TTC27: variants seen among roughly 807,000 people sequenced by gnomAD.
TTC27 encodes the protein tetratricopeptide repeat domain 27, also known as tetratricopeptide repeat protein 27.
Under a neutral mutation model 115.9 loss-of-function variants are expected in TTC27, and 79 were observed. That is an observed-to-expected ratio of 0.68 (90% CI 0.57 to 0.82). The LOEUF (loss-of-function observed/expected upper bound fraction) is 0.82, where lower values mean the gene tolerates loss of function less well. TTC27 is among the 40% of genes least tolerant of loss of function. The pLI, the probability that TTC27 is intolerant of heterozygous loss-of-function variation, is 0.00. For synonymous variants in TTC27, 401 were observed against 356.0 expected (o/e 1.13, Z -1.42); for missense variants, 1,054 against 993.1 (o/e 1.06, Z -0.82).
At chr2:32,778,455 A>C (rs1343094700) in intron 14 of TTC27, among the ~76,000 whole-genome samples, 2 of 152,160 alleles carry the variant, frequency 1.3e-5, no homozygotes, top group African/African-American at 4.8e-5. Flanking sequence ...TATTACCCTA[A>C]AGAGAAACCC....
At chr2:32,809,505 G>T (rs924868205) in intron 16 of TTC27, among the ~76,000 whole-genome samples, 19 of 152,146 alleles carry the variant, frequency 1.2e-4, no homozygotes, top group Non-Finnish European at 2.4e-4. Flanking sequence ...GCAGAATCTT[G>T]GTCCAAGATG....
At chr2:32,780,743 A>G (rs1007425894) in intron 14 of TTC27, among the ~76,000 whole-genome samples, 1 of 152,150 alleles carries the variant, frequency 6.6e-6, no homozygotes, top group African/African-American at 2.4e-5. Flanking sequence ...CCAGGTCTAA[A>G]TTTTATTTTT....
chr2:32,683,948 G>A (rs1335602602), intron 9 of TTC27, among the ~76,000 whole-genome samples: 1 of 152,062 alleles, frequency 6.6e-6, no homozygotes, highest in African/African-American at 2.4e-5. Context: ...AAGGTCAGTA[G>A]TTTGTGACCC....
chr2:32,676,021 A>T (rs879777068), intron 8 of TTC27, among the ~76,000 whole-genome samples: 33 of 151,936 alleles, frequency 2.2e-4, no homozygotes, highest in African/African-American at 8.0e-4. Context: ...CGAACTCCTG[A>T]TCTCAGGTGA....
chr2:32,770,464 A>C (rs773692258), intron 13 of TTC27, among the ~76,000 whole-genome samples: 4 of 152,180 alleles, frequency 2.6e-5, no homozygotes, highest in Non-Finnish European at 5.9e-5. Flanking sequence ...ACGTAATGGC[A>C]GATTTGGTTG....
chr2:32,630,620 T>G lies in TTC27; in HGVS notation c.186T>G (p.Ala62=). 1.2e-6 allele frequency: 2 copies of G among 1,613,872 alleles called. No individual in the cohort carries two copies. Among genetic ancestry groups the G allele is most frequent in the Non-Finnish European group, 1.7e-6 (2 of 1,179,918 alleles). The part of the protein sequence containing the change: ...TQNIFNSTTT[A]EEKIDSYLEK... ...ATATTTTTAATTCAACAACAACCGC[T>G]GAAGAAAAGATTGATAGCTACCTGG... The change falls in exon 2 of 20, where the codon GCT becomes GCG. Residue 62 remains alanine, a synonymous_variant. Coordinates refer to ENST00000317907, the MANE Select transcript of TTC27 (RefSeq NM_017735.5).
At chr2:32,739,789 T>A (rs573096924) in intron 12 of TTC27, among the ~76,000 whole-genome samples, 9 of 152,228 alleles carry the variant, frequency 5.9e-5, no homozygotes, top group Non-Finnish European at 1.2e-4. Context: ...GTTTTATTTC[T>A]AAAACAGCTG....
intron 5 of TTC27, among the ~76,000 whole-genome samples, chr2:32,654,729 T>C (rs1322692536): frequency 6.6e-6 from 1 of 150,434 alleles, no homozygotes; most frequent in Non-Finnish European, 1.5e-5. Context: ...GGAGTCTCGC[T>C]CTGTTGCCCA....
chr2:32,633,296 A>C (rs1664283401), intron 2 of TTC27, among the ~76,000 whole-genome samples: 1 of 152,232 alleles, frequency 6.6e-6, no homozygotes, highest in African/African-American at 2.4e-5. Flanking sequence ...ACTATTGAGC[A>C]CTTGAAATAT....
chr2:32,737,133 A>G (rs1045184217), intron 12 of TTC27, among the ~76,000 whole-genome samples: 13 of 152,190 alleles, frequency 8.5e-5, no homozygotes, highest in Non-Finnish European at 1.9e-4. Flanking sequence ...TGATGATCAG[A>G]TGCTGTGGGC....
chr2:32,816,965 A>C (rs184738293), intron 18 of TTC27, among the ~76,000 whole-genome samples: 1 of 152,296 alleles, frequency 6.6e-6, no homozygotes, highest in African/African-American at 2.4e-5. Flanking sequence ...TTATTTGTCT[A>C]TGCACATGTG....
At position 32,762,268 on chromosome 2, in the gene TTC27, C is replaced by G. The variant is rs367876877; in HGVS notation, c.1680+3749C>G. ...GAGTATGAGCAAAGCTCTAGAAACACAGAGAGAAGTGTGTGTGTGTGTGTG... is the reference window on the plus strand; with the variant it reads ...GAGTATGAGCAAAGCTCTAGAAACAGAGAGAGAAGTGTGTGTGTGTGTGTG... On this transcript the variant is annotated intron_variant, in intron 13 of 19. Transcript: ENST00000317907. 1.1e-3 allele frequency among the ~76,000 whole-genome samples: 161 copies of G among 146,400 alleles called. 1 individual carries two copies. Among genetic ancestry groups the G allele is most frequent in the African/African-American group, 3.7e-3 (144 of 39,234 alleles).
chr2:32,771,100 A>G (rs954676887), intron 13 of TTC27, among the ~76,000 whole-genome samples: 3 of 152,222 alleles, frequency 2.0e-5, no homozygotes, highest in South Asian at 2.1e-4. Context: ...CTTTGCTACC[A>G]TAGACCTGAT....
intron 14 of TTC27, among the ~76,000 whole-genome samples, chr2:32,781,365 A>C (rs989077269): frequency 7.2e-5 from 11 of 152,066 alleles, no homozygotes; most frequent in Admixed American, 5.2e-4. Context: ...ACTGTTTCTT[A>C]TTAACTGATA....
At chr2:32,815,389 C>A (rs999729447) in intron 18 of TTC27, among the ~76,000 whole-genome samples, 1 of 151,720 alleles carries the variant, frequency 6.6e-6, no homozygotes, top group Non-Finnish European at 1.5e-5. Flanking sequence ...AGGCGCCCAC[C>A]ACCACGCCCG....
intron 7 of TTC27, among the ~76,000 whole-genome samples, chr2:32,671,913 G>A (rs1215092413): frequency 6.6e-6 from 1 of 152,134 alleles, no homozygotes; most frequent in Admixed American, 6.5e-5. Context: ...CTGATTCTTT[G>A]TTTTTTCATC....
At position 32,746,563 on chromosome 2, in the gene TTC27, CAAAA is replaced by C. The variant is rs770621313; in HGVS notation, c.1452+9763_1452+9766del. Among the ~76,000 whole-genome samples, 24 of 46,306 alleles carry C rather than the reference CAAAA, an allele frequency of 5.2e-4. No individual in the cohort carries two copies. The East Asian group carries it at 0.015, about 29-fold the overall frequency. 30.4% of individuals were successfully genotyped at this position (46,306 alleles called of 152,430 possible). A position where few individuals can be genotyped will look rare whatever the true frequency, so the allele number is the denominator to read the frequency against. On this transcript the variant is annotated intron_variant, in intron 12 of 19. Coordinates refer to ENST00000317907, the MANE Select transcript of TTC27 (RefSeq NM_017735.5). ...TGGCAATAAGAGTGAAACTCCATCT[CAAAA>C]AAAAAAAAAAAAAAAGAATGCACAT... is the stretch of plus-strand genomic sequence containing the variant.
At chr2:32,763,564 G>A (rs1050117762) in intron 13 of TTC27, among the ~76,000 whole-genome samples, 1 of 152,138 alleles carries the variant, frequency 6.6e-6, no homozygotes, top group Non-Finnish European at 1.5e-5. Context: ...AGATTTAAGC[G>A]CATTTTAAAG....
At chr2:32,801,379 G>A (rs1670928629) in intron 16 of TTC27, among the ~76,000 whole-genome samples, 1 of 152,112 alleles carries the variant, frequency 6.6e-6, no homozygotes, top group Admixed American at 6.5e-5. Context: ...AGCTTCTTGT[G>A]GCTCCTGGCG....
Sources: allele counts gnomAD v4.1 joint callset (sites outside exome capture counted in the v4.1 genomes callset), GRCh38; gene constraint gnomAD v4.1.1; transcripts MANE v1.5; gene names NCBI Gene and HGNC (gene_info 2026-07-23, HGNC 2026-07-21).